The following TINAG variants were observed in gnomAD, a reference collection of about 807,000 sequenced individuals.
TINAG encodes the protein tubulointerstitial nephritis antigen.
TINAG carries 83 observed loss-of-function variants against 72.7 expected under a neutral mutation model. The observed-to-expected ratio is 1.14, with a 90% CI of 0.96 to 1.37. The LOEUF is 1.37. Among genes scored for constraint, TINAG ranks in the 40% most tolerant of loss-of-function variants. The probability of loss-of-function intolerance (pLI) is 0.00; values close to 1 mark genes in which losing one functional copy is unlikely to be tolerated. For synonymous variants in TINAG, 234 were observed against 189.9 expected (o/e 1.23, Z -1.91); for missense variants, 685 against 576.6 (o/e 1.19, Z -1.93).
chr6:54,357,156 G>A (rs148290163), intron 9 of TINAG, among the ~76,000 whole-genome samples: 21 of 151,972 alleles, frequency 1.4e-4, no homozygotes, highest in Non-Finnish European at 1.0e-4. Context: ...TCCCAGACCT[G>A]CCCATCCTCT....
At chr6:54,358,603 A>G (rs1307533095) in intron 9 of TINAG, among the ~76,000 whole-genome samples, 2 of 151,414 alleles carry the variant, frequency 1.3e-5, no homozygotes, top group Admixed American at 1.3e-4. Flanking sequence ...GCTTCGATTC[A>G]AGTTTGTAAA....
intron 1 of TINAG, among the ~76,000 whole-genome samples, chr6:54,312,117 C>T (rs1014360035): frequency 3.3e-5 from 5 of 151,692 alleles, no homozygotes; most frequent in African/African-American, 9.7e-5. Flanking sequence ...AGTACAGTGG[C>T]GCCATCATGG....
intron 4 of TINAG, among the ~76,000 whole-genome samples, chr6:54,341,535 T>C (rs1784995870): frequency 1.3e-5 from 2 of 151,830 alleles, no homozygotes; most frequent in African/African-American, 4.8e-5. Context: ...CAGGTGGTAA[T>C]AGTTTTCTAA....
intron 3 of TINAG, among the ~76,000 whole-genome samples, chr6:54,325,017 T>C (rs1264089944): frequency 6.6e-6 from 1 of 152,230 alleles, no homozygotes; most frequent in African/African-American, 2.4e-5. Context: ...TTTACTTATC[T>C]GTCATTCCCT....
intron 9 of TINAG, among the ~76,000 whole-genome samples, chr6:54,373,882 A>G (rs566905547): frequency 2.3e-4 from 35 of 152,110 alleles, no homozygotes; most frequent in Non-Finnish European, 4.9e-4. Context: ...TTCTCTTCAT[A>G]AGATATTACC....
At chr6:54,366,655 G>A (rs1413116781) in intron 9 of TINAG, among the ~76,000 whole-genome samples, 1 of 151,264 alleles carries the variant, frequency 6.6e-6, no homozygotes, top group African/African-American at 2.4e-5. Flanking sequence ...TCTTAAGTGT[G>A]TAGATGGAGA....
chr6:54,332,774 AAAAC>A (rs1253960247), intron 4 of TINAG, among the ~76,000 whole-genome samples: 2 of 152,220 alleles, frequency 1.3e-5, no homozygotes, highest in Non-Finnish European at 1.5e-5. Context: ...ATTAACAAGA[AAAAC>A]AAACAACCCC....
intron 9 of TINAG, among the ~76,000 whole-genome samples, chr6:54,375,771 T>C (rs1003706319): frequency 1.3e-5 from 2 of 152,190 alleles, no homozygotes; most frequent in Non-Finnish European, 2.9e-5. Context: ...ATTCAGAATT[T>C]CATTATTTCT....
intron 1 of TINAG, among the ~76,000 whole-genome samples, chr6:54,319,899 A>C (rs1784450681): frequency 6.6e-6 from 1 of 152,156 alleles, no homozygotes; most frequent in Non-Finnish European, 1.5e-5. Flanking sequence ...TAACCAGAGC[A>C]CTATTTTTAC....
At chr6:54,341,138 T>G (rs953311921) in intron 4 of TINAG, among the ~76,000 whole-genome samples, 1 of 152,138 alleles carries the variant, frequency 6.6e-6, no homozygotes, top group Non-Finnish European at 1.5e-5. Context: ...AAATAACAAT[T>G]GACACTCCAC....
chr6:54,362,901 A>C (rs1763284934), intron 9 of TINAG, among the ~76,000 whole-genome samples: 1 of 151,610 alleles, frequency 6.6e-6, no homozygotes, highest in South Asian at 2.1e-4. Flanking sequence ...TGGAAATAGA[A>C]AAACAACTAG....
chr6:54,340,924 C>T (rs985889967), intron 4 of TINAG, among the ~76,000 whole-genome samples: 5 of 151,954 alleles, frequency 3.3e-5, no homozygotes, highest in Admixed American at 1.3e-4. Flanking sequence ...TTGATAGATA[C>T]GTATTTCATT....
intron 9 of TINAG, among the ~76,000 whole-genome samples, chr6:54,357,004 AT>A (rs1440539371): frequency 6.6e-6 from 1 of 151,434 alleles, no homozygotes; most frequent in Non-Finnish European, 1.5e-5. Context: ...TCCTTGCAAG[AT>A]TTGCCTGGAA....
intron 4 of TINAG, among the ~76,000 whole-genome samples, chr6:54,327,525 C>T (rs1784635979): frequency 6.6e-6 from 1 of 152,094 alleles, no homozygotes; most frequent in African/African-American, 2.4e-5. Context: ...AACTGGGTGG[C>T]CATTTGGGCA....
chr6:54,331,497 T>G (rs575848971), intron 4 of TINAG, among the ~76,000 whole-genome samples: 17 of 152,260 alleles, frequency 1.1e-4, no homozygotes, highest in African/African-American at 4.1e-4. Flanking sequence ...CCACAGCCAA[T>G]ATCATACTGA....
rs963932327 is a variant in TINAG at position 54,343,432 on chromosome 6, A to T, written c.748+83A>T. 4 of 1,237,550 alleles carry T rather than the reference A, an allele frequency of 3.2e-6. No homozygotes were observed. The African/African-American group carries it at 6.2e-5, about 19-fold the overall frequency. 76.7% of individuals were successfully genotyped at this position (1,237,550 alleles called of 1,614,324 possible). A position where few individuals can be genotyped will look rare whatever the true frequency, so the allele number is the denominator to read the frequency against. ...GAGAGAATAATTGAACAATTTTAAC[A>T]ATTAGAATATTTAAATATTAGCATA... On this transcript the variant is annotated intron_variant, in intron 5 of 10. Coordinates refer to ENST00000259782, the MANE Select transcript of TINAG (RefSeq NM_014464.4).
intron 1 of TINAG, among the ~76,000 whole-genome samples, chr6:54,317,904 A>G (rs1784408530): frequency 6.6e-6 from 1 of 152,060 alleles, no homozygotes; most frequent in Non-Finnish European, 1.5e-5. Flanking sequence ...CTACATTACC[A>G]AATGCAATAT....
intron 9 of TINAG, among the ~76,000 whole-genome samples, chr6:54,359,654 A>C (rs757968758): frequency 2.6e-5 from 4 of 151,812 alleles, no homozygotes; most frequent in Admixed American, 6.6e-5. Flanking sequence ...GATCTTTATA[A>C]ATTTACTTTA....
chr6:54,314,604 G>T (rs1294413419), intron 1 of TINAG, among the ~76,000 whole-genome samples: 1 of 152,106 alleles, frequency 6.6e-6, no homozygotes, highest in African/African-American at 2.4e-5. Context: ...AATTAAGAAT[G>T]CGGAATCACC....
Sources: allele counts gnomAD v4.1 joint callset (sites outside exome capture counted in the v4.1 genomes callset), GRCh38; gene constraint gnomAD v4.1.1; transcripts MANE v1.5; gene names NCBI Gene and HGNC (gene_info 2026-07-23, HGNC 2026-07-21).